PALLD: variants seen among roughly 807,000 people sequenced by gnomAD.
PALLD encodes the protein palladin.
Under a neutral mutation model 123.5 loss-of-function variants are expected in PALLD, and 61 were observed. The ratio of observed to expected loss-of-function variants is 0.49; its 90% CI spans 0.40 to 0.61. PALLD has a LOEUF of 0.61. Ranked by LOEUF, PALLD falls within the 20% of genes least tolerant of loss-of-function variation. The pLI, the probability that PALLD is intolerant of heterozygous loss-of-function variation, is 0.00. For synonymous variants in PALLD, 465 were observed against 496.4 expected, an observed-to-expected ratio of 0.94 and a Z score of 0.84; for missense variants, 1,273 against 1,377.0, an observed-to-expected ratio of 0.92 and a Z score of 1.20.
At chr4:168,661,252 A>T (rs1305526369) in intron 2 of PALLD, among the ~76,000 whole-genome samples, 1 of 152,164 alleles carries the variant, frequency 6.6e-6, no homozygotes, top group Non-Finnish European at 1.5e-5. Flanking sequence ...TCATTAGGTA[A>T]AATATAGTCA....
chr4:168,700,505 CT>C (rs1344649132), intron 8 of PALLD: 3 of 152,134 alleles, frequency 2.0e-5, no homozygotes, highest in Non-Finnish European at 4.4e-5. Flanking sequence ...GAAAATTGGT[CT>C]TACTGAGAAT....
chr4:168,647,520 C>G lies in PALLD; in HGVS notation c.909-20670C>G, dbSNP rs138847882. 2.7e-3 allele frequency among the ~76,000 whole-genome samples: 410 copies of G among 152,246 alleles called. 8 individuals carry two copies. The East Asian group carries it at 0.057, about 21-fold the overall frequency. On this transcript the variant is annotated intron_variant, in intron 2 of 21. Coordinates refer to ENST00000505667, the MANE Select transcript of PALLD (RefSeq NM_001166108.2). ...CATGTGGCCGGGCGTGTAGCTCATG[C>G]CTGTAATCCCAGCACTTTGGGAGGC...
At chr4:168,531,764 C>T (rs1260001166) in intron 2 of PALLD, among the ~76,000 whole-genome samples, 4 of 152,168 alleles carry the variant, frequency 2.6e-5, no homozygotes, top group African/African-American at 9.7e-5. Context: ...ACCAGGTCAA[C>T]AAAAACAGCT....
At chr4:168,854,210 C>G (rs1454791713) in intron 10 of PALLD, among the ~76,000 whole-genome samples, 1 of 152,018 alleles carries the variant, frequency 6.6e-6, no homozygotes, top group Non-Finnish European at 1.5e-5. Flanking sequence ...TATGCTGTAT[C>G]TAAGATAATA....
intron 18 of PALLD, among the ~76,000 whole-genome samples, 188 bp from the exon 19 acceptor site, chr4:168,924,067 C>T (rs1357937154): frequency 1.3e-5 from 2 of 152,036 alleles, no homozygotes; most frequent in South Asian, 4.1e-4. Flanking sequence ...AATAAATGAG[C>T]GGAATGAAGT....
chr4:168,558,377 G>A (rs930630874), intron 2 of PALLD, among the ~76,000 whole-genome samples: 4 of 152,170 alleles, frequency 2.6e-5, no homozygotes, highest in African/African-American at 9.7e-5. Context: ...GGAGTCAGGC[G>A]CCAGCCCTCT....
chr4:168,638,241 C>T (rs911519224), intron 2 of PALLD, among the ~76,000 whole-genome samples: 1 of 152,152 alleles, frequency 6.6e-6, no homozygotes, highest in African/African-American at 2.4e-5. Flanking sequence ...ACTATATTCT[C>T]ACAAAGATAA....
At chr4:168,646,104 G>T (rs770168253) in intron 2 of PALLD, among the ~76,000 whole-genome samples, 1 of 152,126 alleles carries the variant, frequency 6.6e-6, no homozygotes, top group Non-Finnish European at 1.5e-5. Context: ...GCTGTTCAAG[G>T]GATGGCAGCA....
At chr4:168,609,902 T>C (rs1230144675) in intron 2 of PALLD, among the ~76,000 whole-genome samples, 2 of 152,210 alleles carry the variant, frequency 1.3e-5, no homozygotes, top group Non-Finnish European at 2.9e-5. Context: ...AATGCTTAGT[T>C]TCCTTTTACA....
At chr4:168,822,291 G>A (rs1336299582) in intron 10 of PALLD, among the ~76,000 whole-genome samples, 1 of 151,804 alleles carries the variant, frequency 6.6e-6, no homozygotes, top group Non-Finnish European at 1.5e-5. Flanking sequence ...GAGGGGGTGG[G>A]GTGGGGAGGG....
chr4:168,736,877 G>A (rs1581209677), intron 10 of PALLD, among the ~76,000 whole-genome samples: 1 of 152,282 alleles, frequency 6.6e-6, no homozygotes, highest in Middle Eastern at 3.4e-3. Context: ...AGACCCTCAG[G>A]AGAAACAGTG....
intron 2 of PALLD, among the ~76,000 whole-genome samples, chr4:168,601,996 C>A (rs1483899231): frequency 6.6e-6 from 1 of 152,172 alleles, no homozygotes; most frequent in Non-Finnish European, 1.5e-5. Flanking sequence ...CTCAATCTAA[C>A]CAAGACAGGA....
rs970415039 is a variant in PALLD, at chr4:168,861,286, A to AG, written c.1965-29636_1965-29635insG. 1.1e-4 allele frequency among the ~76,000 whole-genome samples: 17 copies of AG among 151,868 alleles called. 1 individual carries two copies. Among genetic ancestry groups the AG allele is most frequent in the African/African-American group, 4.1e-4 (17 of 41,400 alleles). ...ATCTATTGAATATGGAATTAAAAAA[A>AG]AAAAACTAAGTAAAAAAGCATTAGA... On this transcript the variant is annotated intron_variant, in intron 10 of 21. Transcript: ENST00000505667.
chr4:168,704,090 C>T (rs897615875), intron 8 of PALLD, among the ~76,000 whole-genome samples: 2 of 151,802 alleles, frequency 1.3e-5, no homozygotes, highest in African/African-American at 4.9e-5. Flanking sequence ...ATATCTACAA[C>T]TATCTGATCT....
chr4:168,622,992 A>C (rs1177581234), intron 2 of PALLD, among the ~76,000 whole-genome samples: 1 of 152,234 alleles, frequency 6.6e-6, no homozygotes, highest in Non-Finnish European at 1.5e-5. Flanking sequence ...TTTTCATAGG[A>C]GAGTTAAGCC....
chr4:168,851,451 TC>T (rs1057431089), intron 10 of PALLD, among the ~76,000 whole-genome samples: 7 of 148,894 alleles, frequency 4.7e-5, no homozygotes, highest in African/African-American at 1.8e-4. Context: ...CACTGCAACC[TC>T]TGCCTCCCGG....
chr4:168,567,542 G>GTGTGTGTGT (rs150508313), intron 2 of PALLD, among the ~76,000 whole-genome samples: 2 of 145,514 alleles, frequency 1.4e-5, no homozygotes, highest in Admixed American at 6.9e-5. Context: ...AAGAAAATGT[G>GTGTGTGTGT]GTGTGTGTGT....
intron 2 of PALLD, among the ~76,000 whole-genome samples, chr4:168,566,069 G>A (rs139566879): frequency 2.3e-3 from 343 of 152,162 alleles, no homozygotes; most frequent in African/African-American, 7.6e-3. Context: ...AGATAACATA[G>A]GATAAATAAT....
intron 10 of PALLD, among the ~76,000 whole-genome samples, chr4:168,778,108 C>A (rs1735420876): frequency 6.6e-6 from 1 of 152,140 alleles, no homozygotes; most frequent in Admixed American, 6.5e-5. Flanking sequence ...GGTAGGAGAA[C>A]CAAAGGCAGG....
Sources: gnomAD v4.1 joint callset for allele counts (sites outside exome capture counted in the v4.1 genomes callset) on GRCh38, gnomAD v4.1.1 for gene constraint, MANE v1.5 for transcripts, NCBI Gene and HGNC (gene_info 2026-07-23, HGNC 2026-07-21) for gene names.